The following MS4A4A variants were observed in gnomAD, a reference collection of about 807,000 sequenced individuals.
MS4A4A encodes membrane-spanning 4-domains subfamily A member 4A.
A neutral mutation model predicts 28.0 loss-of-function variants in MS4A4A; 26 were observed. The observed-to-expected ratio is 0.93, with a 90% CI of 0.68 to 1.29. The LOEUF (loss-of-function observed/expected upper bound fraction) is 1.29, where lower values mean the gene tolerates loss of function less well. Ranked by LOEUF, MS4A4A falls within the 50% of genes most tolerant of loss-of-function variation. MS4A4A has a pLI of 0.00. For missense variants in MS4A4A, 290 were observed against 293.1 expected (o/e 0.99, Z 0.08); for synonymous variants, 86 against 100.8 (o/e 0.85, Z 0.88).
chr11:60,283,501 C>T (rs1565141985), intron 1 of MS4A4A, among the ~76,000 whole-genome samples: 1 of 152,140 alleles, frequency 6.6e-6, no homozygotes, highest in African/African-American at 2.4e-5. Flanking sequence ...TTAGCAACTA[C>T]TTACAGGGCT....
rs1046035687 is a variant in MS4A4A at position 60,282,487 on chromosome 11, G to T, written c.41+1771G>T. ...GCTGACTAATCCACATGTGGGCAAT[G>T]GTGGGGAAGTGGGGGAATAGTGTCT... On this transcript the variant is annotated intron_variant, in intron 1 of 6. Transcript: ENST00000337908. 6.2e-6 allele frequency: 6 copies of T among 968,900 alleles called. 1 individual carries two copies. In the South Asian group the frequency reaches 9.0e-5, roughly 15 times the overall value. The allele number at this position is 968,900 out of a possible 1,614,324, so 60.0% of individuals were successfully genotyped here.
At chr11:60,283,419 A>T (rs2084774036) in intron 1 of MS4A4A, among the ~76,000 whole-genome samples, 1 of 152,116 alleles carries the variant, frequency 6.6e-6, no homozygotes, top group Non-Finnish European at 1.5e-5. Flanking sequence ...TGGACCTTCC[A>T]CCAAGAAAGG....
chr11:60,281,359 C>T (rs554752841), intron 1 of MS4A4A, among the ~76,000 whole-genome samples: 180 of 152,154 alleles, frequency 1.2e-3, no homozygotes, highest in African/African-American at 4.0e-3. Context: ...TGTAAGTGGT[C>T]GTGGCCATTG....
Position 60,292,709 on chromosome 11 carries a change from C to G in MS4A4A, c.201+325C>G, listed in dbSNP as rs73487293. Among the ~76,000 whole-genome samples the G allele has an allele frequency of 3.7e-3, 556 of 152,272 alleles. 3 individuals are homozygous for G. The highest frequency in any genetic ancestry group is 0.013 in the African/African-American group (546 of 41,538). On this transcript the variant is annotated intron_variant, in intron 2 of 6. Transcript: ENST00000337908. Reference sequence around the variant, plus strand: ...TACTAGCTGACGCCCCCTTTACAGGCCTTCCTGATAGCTGACAGGCACATA... The same window carrying G: ...TACTAGCTGACGCCCCCTTTACAGGGCTTCCTGATAGCTGACAGGCACATA...
At chr11:60,283,787 C>T (rs1447640320) in intron 1 of MS4A4A, among the ~76,000 whole-genome samples, 3 of 152,162 alleles carry the variant, frequency 2.0e-5, no homozygotes, top group African/African-American at 7.2e-5. Context: ...TTATTTTAGC[C>T]ATATGCTCCA....
intron 3 of MS4A4A, among the ~76,000 whole-genome samples, chr11:60,298,400 G>T (rs560439938): frequency 1.3e-5 from 2 of 152,306 alleles, no homozygotes; most frequent in South Asian, 4.1e-4. Flanking sequence ...CTTCTAGAAA[G>T]CTGCACAATA....
chr11:60,282,527 A>T, intron 1 of MS4A4A: 1 of 1,221,912 alleles, frequency 8.2e-7, no homozygotes, highest in East Asian at 5.8e-5. Flanking sequence ...GAAGATAGAG[A>T]CTATAAAATG....
intron 3 of MS4A4A, among the ~76,000 whole-genome samples, chr11:60,300,453 A>G (rs770935145): frequency 6.6e-6 from 1 of 151,920 alleles, no homozygotes; most frequent in Non-Finnish European, 1.5e-5. Context: ...CGTCTCTACT[A>G]AAAACACAAA....
Position 60,308,224 on chromosome 11 carries a change from A to C in MS4A4A, c.*46A>C, listed in dbSNP as rs1461123313. 1 of 1,566,012 alleles carries C rather than the reference A, an allele frequency of 6.4e-7. No individual in the cohort carries two copies. The highest frequency in any genetic ancestry group is 1.7e-5 in the Admixed American group (1 of 59,652). Reference sequence around the variant, plus strand: ...ACAAATGCTCCAGAAATCTATGCTGACTGTGACACAAGAGCCTCACATGAG... The same window carrying C: ...ACAAATGCTCCAGAAATCTATGCTGCCTGTGACACAAGAGCCTCACATGAG... On this transcript the variant is annotated 3_prime_UTR_variant, in exon 7 of 7. Transcript: ENST00000337908.
At chr11:60,302,529 ATTGT>A in intron 4 of MS4A4A, 26 bp from the exon 5 acceptor site, 1 of 1,609,522 alleles carries the variant, frequency 6.2e-7, no homozygotes, top group Non-Finnish European at 8.5e-7. Context: ...ATGTTGTTGG[ATTGT>A]TTAATTGATT....
chr11:60,308,079 C>G (rs752619652), intron 6 of MS4A4A, 28 bp from the exon 7 acceptor site: 1 of 1,611,214 alleles, frequency 6.2e-7, no homozygotes, highest in Non-Finnish European at 8.5e-7. Flanking sequence ...TTGGGTGACT[C>G]ACCTTTGGCA....
intron 5 of MS4A4A, chr11:60,305,741 T>G (rs111529041): frequency 0.015 from 2,685 of 173,702 alleles, 72 homozygotes; most frequent in African/African-American, 0.06. Flanking sequence ...TTACAATTAC[T>G]AAGATATGGA....
In MS4A4A at chr11:60,296,971, C is replaced by T. The variant is rs143775969; in HGVS notation, c.202-226C>T. On this transcript the variant is annotated intron_variant, in intron 2 of 6. Transcript: ENST00000337908. ...CCTCTGGGCTGGTTCTGGCATACTCCTTTTAACCTTGAAATTATTGGCAAT... is the reference window on the plus strand; with the variant it reads ...CCTCTGGGCTGGTTCTGGCATACTCTTTTTAACCTTGAAATTATTGGCAAT... The T allele has an allele frequency of 1.8e-5, 9 of 500,392 alleles. No individual in the cohort carries two copies. In the East Asian group the frequency reaches 3.2e-4, roughly 18 times the overall value. The allele number at this position is 500,392 out of a possible 1,614,324, so 31.0% of individuals were successfully genotyped here. A position where few individuals can be genotyped will look rare whatever the true frequency, so the allele number is the denominator to read the frequency against.
chr11:60,291,533 C>T (rs1428791494), intron 1 of MS4A4A, among the ~76,000 whole-genome samples: 1 of 152,066 alleles, frequency 6.6e-6, no homozygotes, highest in East Asian at 1.9e-4. Flanking sequence ...GGTGCGGTGG[C>T]TCACACCTGT....
intron 1 of MS4A4A, chr11:60,282,722 A>T: frequency 1.6e-6 from 2 of 1,275,428 alleles, no homozygotes; most frequent in Non-Finnish European, 2.0e-6. Context: ...TTAAAAATTA[A>T]AAGGAGAGAG....
At chr11:60,297,696 A>G (rs560469461) in intron 3 of MS4A4A, among the ~76,000 whole-genome samples, 5 of 152,326 alleles carry the variant, frequency 3.3e-5, no homozygotes, top group African/African-American at 1.2e-4. Context: ...AGCAGACCAC[A>G]TCAGAGGGGA....
chr11:60,290,695 T>C (rs1022537395), intron 1 of MS4A4A, among the ~76,000 whole-genome samples: 2 of 149,414 alleles, frequency 1.3e-5, no homozygotes, highest in African/African-American at 2.6e-5. Flanking sequence ...ATTACTAAAG[T>C]TAAATTAATG....
Position 60,282,685 on chromosome 11 carries a change from T to A in MS4A4A, c.41+1969T>A, listed in dbSNP as rs536813864. On this transcript the variant is annotated intron_variant, in intron 1 of 6. Transcript: ENST00000337908. Reference sequence around the variant, plus strand: ...AATGAAATTACGTCTTTGGAACAACTTAAATAAGTCAAATATACTTGGAGC... The same window carrying A: ...AATGAAATTACGTCTTTGGAACAACATAAATAAGTCAAATATACTTGGAGC... 4.7e-6 allele frequency: 6 copies of A among 1,285,810 alleles called. No homozygotes were observed. The East Asian group carries it at 3.3e-4, about 72-fold the overall frequency. 79.7% of individuals were successfully genotyped at this position (1,285,810 alleles called of 1,614,324 possible).
Position 60,306,162 on chromosome 11 carries a change from T to A in MS4A4A, c.609T>A (p.Ser203=). Residue 203 remains serine (S), a synonymous_variant, in exon 6 of 7, where the codon TCT becomes TCA. Transcript: ENST00000337908. ...VLEFCIAVSL[S]AFGCKVLCCT... is the part of the protein sequence containing the mutation. ...AATTCTGCATTGCTGTGTCCCTCTC[T>A]GCCTTTGGATGTAAAGTGCTCTGTT... is the stretch of plus-strand genomic sequence containing the variant. 1 of 1,614,108 alleles carries A rather than the reference T, an allele frequency of 6.2e-7. No individual in the cohort carries two copies. The highest frequency in any genetic ancestry group is 8.5e-7 in the Non-Finnish European group (1 of 1,179,888).
Sources: allele counts gnomAD v4.1 joint callset (sites outside exome capture counted in the v4.1 genomes callset), GRCh38; gene constraint gnomAD v4.1.1; transcripts MANE v1.5; gene names NCBI Gene and HGNC (gene_info 2026-07-23, HGNC 2026-07-21).